The following RREB1 variants were observed in gnomAD, a reference collection of about 807,000 sequenced individuals.
RREB1 encodes the protein ras responsive element binding protein 1.
In RREB1, 27 loss-of-function variants were observed where a neutral mutation model predicts 117.8. The ratio of observed to expected loss-of-function variants is 0.23; its 90% confidence interval spans 0.17 to 0.32. The LOEUF is 0.32. Among genes scored for constraint, RREB1 ranks in the 10% least tolerant of loss-of-function variants. RREB1 has a pLI of 1.00. For synonymous variants in RREB1, 1,298 were observed against 1,026.7 expected, an observed-to-expected ratio of 1.26 and a Z score of -5.05; for missense variants, 2,577 against 2,378.2, an observed-to-expected ratio of 1.08 and a Z score of -1.74.
At chr6:7,189,519 CCTT>C (rs1765284984) in intron 6 of RREB1, among the ~76,000 whole-genome samples, 197 bp downstream of exon 6, 1 of 152,064 alleles carries the variant, frequency 6.6e-6, no homozygotes, top group Non-Finnish European at 1.5e-5. Context: ...GGTCTGTGGC[CCTT>C]CAGAGTTCCT....
chr6:7,139,902 A>G (rs1322097303), intron 1 of RREB1, among the ~76,000 whole-genome samples: 1 of 152,222 alleles, frequency 6.6e-6, no homozygotes, highest in Admixed American at 6.5e-5. Flanking sequence ...AGATGCTGTT[A>G]ACAGAACTTT....
chr6:7,138,857 G>GAGTATAGT (rs1190550414), intron 1 of RREB1, among the ~76,000 whole-genome samples: 1 of 152,160 alleles, frequency 6.6e-6, no homozygotes, highest in East Asian at 1.9e-4. Flanking sequence ...TCCGTAATAA[G>GAGTATAGT]AGTATAGTTT....
Position 7,249,062 on chromosome 6 carries a change from TGAGAGAGAGAGAGAGAGA to T in RREB1, c.*119_*136del, listed in dbSNP as rs4053178. Reference sequence around the variant, plus strand: ...TCAGTGCCCTTTGGCTGTTGAGGAGTGAGAGAGAGAGAGAGAGAGAGAGAGAGAGAGAGAGAGAGAGAC... The same window carrying T: ...TCAGTGCCCTTTGGCTGTTGAGGAGTGAGAGAGAGAGAGAGAGAGAGAGAC... On this transcript the variant is annotated 3_prime_UTR_variant, in exon 13 of 13. Transcript: ENST00000379938. The T allele has an allele frequency of 0.016, 9,093 of 568,232 alleles. 54 individuals are homozygous for T. The highest frequency in any genetic ancestry group is 0.032 in the Middle Eastern group (69 of 2,166). The allele number at this position is 568,232 out of a possible 1,614,324, so 35.2% of individuals were successfully genotyped here.
At chr6:7,211,502 C>A in intron 7 of RREB1, 71 bp from the exon 8 acceptor site, 1 of 1,351,940 alleles carries the variant, frequency 7.4e-7, no homozygotes, top group Non-Finnish European at 1.1e-6. Flanking sequence ...CTGAATTTAG[C>A]ATTGGCCTCT....
At chr6:7,189,415 A>G (rs1765278783) in intron 6 of RREB1, 93 bp downstream of exon 6, 8 of 1,205,968 alleles carry the variant, frequency 6.6e-6, no homozygotes, top group African/African-American at 1.5e-5. Context: ...AGACTTGCCT[A>G]AAGGTACAGA....
intron 1 of RREB1, among the ~76,000 whole-genome samples, chr6:7,176,248 T>C (rs1032048834): frequency 5.9e-5 from 9 of 152,174 alleles, no homozygotes; most frequent in South Asian, 4.1e-4. Flanking sequence ...GTCTTATTTT[T>C]CCCCCTCTGT....
rs547806823 is a variant in RREB1 at position 7,155,607 on chromosome 6, G to A, written c.-284-21048G>A. ...ATTACAGGCGTGAGCCACAGCATCC[G>A]GCCAGGACTTAAGTTTTAATAGAGA... On this transcript the variant is annotated intron_variant, in intron 1 of 12. Transcript: ENST00000379938. Among the ~76,000 whole-genome samples the A allele has an allele frequency of 1.6e-4, 24 of 152,336 alleles. No homozygotes were observed. In the South Asian group the frequency reaches 2.9e-3, roughly 18 times the overall value.
chr6:7,194,665 C>G (rs1030526603), intron 6 of RREB1, among the ~76,000 whole-genome samples: 1 of 152,186 alleles, frequency 6.6e-6, no homozygotes, highest in African/African-American at 2.4e-5. Flanking sequence ...CTTAGTTCTG[C>G]AGAACTTTGT....
At chr6:7,131,868 T>A (rs1295649136) in intron 1 of RREB1, among the ~76,000 whole-genome samples, 1 of 152,074 alleles carries the variant, frequency 6.6e-6, no homozygotes, top group East Asian at 1.9e-4. Context: ...GAGGACTTTT[T>A]TTTTTTTTGG....
At chr6:7,202,166 C>G (rs1224321961) in intron 6 of RREB1, among the ~76,000 whole-genome samples, 1 of 152,182 alleles carries the variant, frequency 6.6e-6, no homozygotes, top group Admixed American at 6.5e-5. Flanking sequence ...TTTCACTACG[C>G]TGCTTCTTGC....
At chr6:7,156,441 C>G (rs933166029) in intron 1 of RREB1, among the ~76,000 whole-genome samples, 3 of 152,234 alleles carry the variant, frequency 2.0e-5, no homozygotes, top group African/African-American at 7.2e-5. Flanking sequence ...CCAGGGAACA[C>G]TGTGCCCTTG....
At chr6:7,109,194 C>T (rs1172864458) in intron 1 of RREB1, among the ~76,000 whole-genome samples, 1 of 151,942 alleles carries the variant, frequency 6.6e-6, no homozygotes, top group Non-Finnish European at 1.5e-5. Flanking sequence ...GGCTTCCCTT[C>T]CTCCTCCCAT....
intron 5 of RREB1, among the ~76,000 whole-genome samples, chr6:7,188,215 T>TCC (rs200788403): frequency 5.7e-5 from 7 of 123,846 alleles, no homozygotes; most frequent in Non-Finnish European, 1.0e-4. Context: ...ATAGAATCGC[T>TCC]CCCCCCCACA....
At chr6:7,110,459 GA>G (rs1000274616) in intron 1 of RREB1, among the ~76,000 whole-genome samples, 36 of 132,054 alleles carry the variant, frequency 2.7e-4, no homozygotes, top group African/African-American at 9.3e-4. Flanking sequence ...TACAAAGACA[GA>G]ATCACTAATT....
At chr6:7,225,000 C>T (rs1051244273) in intron 8 of RREB1, among the ~76,000 whole-genome samples, 3 of 152,014 alleles carry the variant, frequency 2.0e-5, no homozygotes, top group Non-Finnish European at 2.9e-5. Flanking sequence ...CGCTACAGCG[C>T]GATAAGGCAA....
At chr6:7,160,912 C>T (rs559860466) in intron 1 of RREB1, among the ~76,000 whole-genome samples, 2 of 152,220 alleles carry the variant, frequency 1.3e-5, no homozygotes, top group East Asian at 3.9e-4. Context: ...TCTCCATCTC[C>T]TGACCTCGTG....
At chr6:7,111,160 A>G (rs1761123366) in intron 1 of RREB1, among the ~76,000 whole-genome samples, 1 of 152,226 alleles carries the variant, frequency 6.6e-6, no homozygotes, top group South Asian at 2.1e-4. Flanking sequence ...ACAGCAGTTT[A>G]TTGGTTACCT....
At chr6:7,133,965 G>C (rs1762253169) in intron 1 of RREB1, among the ~76,000 whole-genome samples, 1 of 152,166 alleles carries the variant, frequency 6.6e-6, no homozygotes, top group African/African-American at 2.4e-5. Flanking sequence ...AATATGATAT[G>C]ACAAGTCTTT....
chr6:7,181,025 T>C, intron 2 of RREB1, 99 bp from the exon 3 acceptor site: 1 of 395,080 alleles, frequency 2.5e-6, no homozygotes, highest in Non-Finnish European at 4.5e-6. Flanking sequence ...CTTGCATTGT[T>C]GTGAATATAG....
Sources: gnomAD v4.1 joint callset for allele counts (sites outside exome capture counted in the v4.1 genomes callset) on GRCh38, gnomAD v4.1.1 for gene constraint, MANE v1.5 for transcripts, NCBI Gene and HGNC (gene_info 2026-07-23, HGNC 2026-07-21) for gene names.